Variants in AGR3 observed in about 807,000 individuals in gnomAD.
AGR3 encodes anterior gradient protein 3.
A neutral mutation model predicts 24.5 loss-of-function variants in AGR3; 37 were observed. That is an observed-to-expected ratio of 1.51 (90% confidence interval 1.16 to 1.99). The LOEUF (loss-of-function observed/expected upper bound fraction) is 1.99. Ranked by LOEUF, AGR3 falls within the 30% of genes most tolerant of loss-of-function variation. The pLI, the probability that AGR3 is intolerant of heterozygous loss-of-function variation, is 0.00. For missense variants in AGR3, 228 were observed against 191.1 expected (o/e 1.19, Z -1.14); for synonymous variants, 75 against 61.6 (o/e 1.22, Z -1.02).
At chr7:16,873,982 A>G (rs1374003888) in intron 2 of AGR3, 139 bp from the exon 3 acceptor site, 1 of 702,572 alleles carries the variant, frequency 1.4e-6, no homozygotes, top group Non-Finnish European at 2.4e-6. Context: ...TGCAGAGGAC[A>G]CACAATTTTC....
At chr7:16,863,010 C>T (rs138508209) in intron 3 of AGR3, among the ~76,000 whole-genome samples, 1 of 152,130 alleles carries the variant, frequency 6.6e-6, no homozygotes, top group South Asian at 2.1e-4. Flanking sequence ...GGTGAGGTTG[C>T]GGTGAGCCGA....
chr7:16,872,548 A>C (rs1583843729), intron 3 of AGR3, among the ~76,000 whole-genome samples: 1 of 152,282 alleles, frequency 6.6e-6, no homozygotes, highest in Non-Finnish European at 1.5e-5. Context: ...TGTTCCCTGC[A>C]AAAAAATGTA....
At chr7:16,858,434 T>C (rs1023056621), downstream of AGR3, among the ~76,000 whole-genome samples, 2 of 152,202 alleles carry the variant, frequency 1.3e-5, no homozygotes, top group East Asian at 1.9e-4. Context: ...TGTAAAGAAC[T>C]GAGTTGATGA....
intron 3 of AGR3, among the ~76,000 whole-genome samples, chr7:16,863,343 G>C (rs1781686037): frequency 6.6e-6 from 1 of 152,092 alleles, no homozygotes; most frequent in East Asian, 1.9e-4. Context: ...TTACAAAAAA[G>C]CTGTTAATAT....
rs747634755 is a variant in AGR3 at position 16,860,421 on chromosome 7, A to G, written c.451+79T>C. On this transcript the variant is annotated intron_variant, in intron 7 of 7. Transcript: ENST00000310398. ...CAGTGACTGGTGTGTAGAAGCACTG[A>G]TGTAGGGCTTCACTAGCCCTTAACA... The G allele has an allele frequency of 3.8e-6, 4 of 1,043,094 alleles. No individual in the cohort carries two copies. In the Admixed American group the frequency reaches 6.8e-5, roughly 18 times the overall value. 64.6% of individuals were successfully genotyped at this position (1,043,094 alleles called of 1,614,324 possible).
chr7:16,860,481 A>T lies in AGR3; in HGVS notation c.451+19T>A, dbSNP rs755383388. ...GGGTCAGCTATGACCACTGTTTGAG[A>T]TCATTTGTGAATACTTACATAGGGG... On this transcript the variant is annotated intron_variant, in intron 7 of 7. Coordinates refer to ENST00000310398, the MANE Select transcript of AGR3 (RefSeq NM_176813.5). 1 of 1,581,258 alleles carries T rather than the reference A, an allele frequency of 6.3e-7. No homozygotes were observed. Among genetic ancestry groups the T allele is most frequent in the Non-Finnish European group, 8.7e-7 (1 of 1,150,258 alleles).
At chr7:16,864,923 C>T (rs1781725698) in intron 3 of AGR3, 2 of 934,542 alleles carry the variant, frequency 2.1e-6, no homozygotes, top group Non-Finnish European at 3.6e-6. Flanking sequence ...TCATCAATTT[C>T]CATGAAGAAG....
chr7:16,859,683 G>C (rs1296530062), intron 7 of AGR3, 52 bp from the exon 8 acceptor site: 3 of 1,202,332 alleles, frequency 2.5e-6, no homozygotes, highest in Admixed American at 4.8e-5. Context: ...AAGTACAAAT[G>C]CTATGATCTA....
chr7:16,858,401 G>A (rs1781582384), downstream of AGR3, among the ~76,000 whole-genome samples: 1 of 152,084 alleles, frequency 6.6e-6, no homozygotes, highest in African/African-American at 2.4e-5. Flanking sequence ...AGAAGACATG[G>A]TATTAACTCT....
chr7:16,861,918 G>GA (rs1200634847), intron 5 of AGR3, 66 bp downstream of exon 5: 9,299 of 918,102 alleles, frequency 0.01, 81 homozygotes, highest in African/African-American at 0.039. Flanking sequence ...AAAAAAAAAA[G>GA]AAAAAAACGG....
At chr7:16,881,748 A>C (rs1426179885) in intron 1 of AGR3, among the ~76,000 whole-genome samples, 196 bp downstream of exon 1, 1 of 152,208 alleles carries the variant, frequency 6.6e-6, no homozygotes, top group Non-Finnish European at 1.5e-5. Context: ...ATTTATTCTA[A>C]TACCATTAAT....
downstream of AGR3, among the ~76,000 whole-genome samples, chr7:16,858,270 A>G (rs1781580022): frequency 6.6e-6 from 1 of 152,100 alleles, no homozygotes; most frequent in Non-Finnish European, 1.5e-5. Context: ...CTGGGATTAC[A>G]GGTATGAGCC....
chr7:16,874,566 G>A (rs1781948903), intron 2 of AGR3, among the ~76,000 whole-genome samples: 2 of 152,246 alleles, frequency 1.3e-5, no homozygotes. Context: ...AGTATTTTCA[G>A]GAAGTGTCTC....
intron 3 of AGR3, among the ~76,000 whole-genome samples, chr7:16,871,668 C>A (rs986136447): frequency 2.0e-5 from 3 of 152,098 alleles, no homozygotes; most frequent in Admixed American, 2.0e-4. Context: ...CATGGTGAAA[C>A]CCTGTTTCTA....
At chr7:16,856,814 TACAC>T (rs909600537), downstream of AGR3, among the ~76,000 whole-genome samples, 2 of 148,182 alleles carry the variant, frequency 1.3e-5, no homozygotes, top group South Asian at 4.6e-4. Context: ...CACACACACA[TACAC>T]ACACACACAC....
intron 3 of AGR3, among the ~76,000 whole-genome samples, chr7:16,866,809 C>G (rs376766333): frequency 1.3e-5 from 2 of 151,806 alleles, no homozygotes; most frequent in Non-Finnish European, 2.9e-5. Flanking sequence ...TATAGGAGTA[C>G]GTTGTATATT....
intron 3 of AGR3, chr7:16,865,521 C>T: frequency 1.4e-6 from 1 of 700,484 alleles, no homozygotes; most frequent in East Asian, 2.5e-5. Flanking sequence ...ATTTTTACCA[C>T]TGAGACTGTC....
downstream of AGR3, among the ~76,000 whole-genome samples, chr7:16,858,217 C>T (rs1781579659): frequency 6.6e-6 from 1 of 152,076 alleles, no homozygotes; most frequent in South Asian, 2.1e-4. Context: ...TAGTCTCGAA[C>T]TCCTGACCTC....
chr7:16,877,973 A>G (rs957041395), intron 2 of AGR3, among the ~76,000 whole-genome samples: 6 of 152,280 alleles, frequency 3.9e-5, no homozygotes, highest in Admixed American at 2.6e-4. Flanking sequence ...AAATGTTTCT[A>G]AACATGTAGC....
Sources: allele counts gnomAD v4.1 joint callset (sites outside exome capture counted in the v4.1 genomes callset), GRCh38; gene constraint gnomAD v4.1.1; transcripts MANE v1.5; gene names NCBI Gene and HGNC (gene_info 2026-07-23, HGNC 2026-07-21).